The following CASR variants were observed in gnomAD, a reference collection of about 807,000 sequenced individuals.
CASR encodes the protein extracellular calcium-sensing receptor.
A neutral mutation model predicts 69.1 loss-of-function variants in CASR; 23 were observed. That is an observed-to-expected ratio of 0.33 (90% CI 0.24 to 0.47). The LOEUF (loss-of-function observed/expected upper bound fraction) is 0.47, where lower values mean the gene tolerates loss of function less well. Among genes scored for constraint, CASR ranks in the 20% least tolerant of loss-of-function variants. The pLI is 1.00. For synonymous variants in CASR, 541 were observed against 544.7 expected, an observed-to-expected ratio of 0.99 and a Z score of 0.10; for missense variants, 924 against 1,356.1, an observed-to-expected ratio of 0.68 and a Z score of 5.00.
chr3:122,226,088 G>C lies in CASR; in HGVS notation c.-242-27860G>C, dbSNP rs916814606. Among the ~76,000 whole-genome samples the C allele has an allele frequency of 4.6e-5, 7 of 152,174 alleles. No homozygotes were observed. In the East Asian group the frequency reaches 1.2e-3, roughly 25 times the overall value. ...GGGCCTACATTAACGGGGAAGATGG[G>C]GGGGTAGTGTGTCTGGAATTGGTGG... On this transcript the variant is annotated intron_variant, in intron 1 of 6. Coordinates refer to ENST00000639785, the MANE Select transcript of CASR (RefSeq NM_000388.4).
chr3:122,229,239 A>C, intron 1 of CASR, among the ~76,000 whole-genome samples: 1 of 152,218 alleles, frequency 6.6e-6, no homozygotes, highest in South Asian at 2.1e-4. Context: ...TACACTTCCC[A>C]CCCACCTCCA....
In CASR at chr3:122,195,632, C is replaced by T. The variant is rs139323845; in HGVS notation, c.-243+11820C>T. On this transcript the variant is annotated intron_variant, in intron 1 of 6. Transcript: ENST00000639785. ...ATGCTAAAGATTTTATACATTGCTT[C>T]GTTTAATCCTATCAAAAATTTTAGG... 6.1e-3 allele frequency among the ~76,000 whole-genome samples: 933 copies of T among 152,290 alleles called. 6 individuals are homozygous for T. Among genetic ancestry groups the T allele is most frequent in the Middle Eastern group, 0.02 (6 of 294 alleles).
intron 1 of CASR, among the ~76,000 whole-genome samples, chr3:122,240,562 G>A (rs1559949598): frequency 6.6e-6 from 1 of 152,086 alleles, no homozygotes; most frequent in Non-Finnish European, 1.5e-5. Flanking sequence ...GCTAAAGAAA[G>A]AGACCACAGT....
Position 122,254,981 on chromosome 3 carries a change from A to G in CASR, c.185+607A>G, listed in dbSNP as rs777446000. Among the ~76,000 whole-genome samples the G allele has an allele frequency of 2.0e-3, 213 of 106,658 alleles. 1 individual carries two copies. Among genetic ancestry groups the G allele is most frequent in the South Asian group, 3.7e-3 (10 of 2,682 alleles). 70.0% of individuals were successfully genotyped at this position (106,658 alleles called of 152,430 possible). A position where few individuals can be genotyped will look rare whatever the true frequency, so the allele number is the denominator to read the frequency against. ...CTCCCCACCCCCCATCCACCCTGCC[A>G]AGAATGCATCTCACTCTCTCAATAG... On this transcript the variant is annotated intron_variant, in intron 2 of 6. Transcript: ENST00000639785.
chr3:122,239,488 C>T (rs953332067), intron 1 of CASR, among the ~76,000 whole-genome samples: 1 of 152,268 alleles, frequency 6.6e-6, no homozygotes, highest in African/African-American at 2.4e-5. Flanking sequence ...CCTGGGGGAA[C>T]TCACTGCCCT....
intron 1 of CASR, among the ~76,000 whole-genome samples, chr3:122,251,747 AT>A (rs1393962280): frequency 1.3e-5 from 2 of 152,148 alleles, no homozygotes; most frequent in Non-Finnish European, 2.9e-5. Flanking sequence ...TAAAGCCAGT[AT>A]TTTCTATGAG....
chr3:122,248,317 A>G (rs562109030), intron 1 of CASR, among the ~76,000 whole-genome samples: 97 of 152,350 alleles, frequency 6.4e-4, no homozygotes, highest in African/African-American at 2.3e-3. Flanking sequence ...CTCTTCAGCA[A>G]GAGGTAAAGG....
intron 3 of CASR, among the ~76,000 whole-genome samples, chr3:122,260,583 G>A (rs1028104909): frequency 6.6e-6 from 1 of 152,142 alleles, no homozygotes; most frequent in Non-Finnish European, 1.5e-5. Context: ...TCAAAAGTGG[G>A]TCTGCTAACA....
intron 1 of CASR, among the ~76,000 whole-genome samples, chr3:122,207,927 T>C (rs532410614): frequency 2.0e-5 from 3 of 152,304 alleles, no homozygotes; most frequent in Non-Finnish European, 4.4e-5. Context: ...ATTGGTCCGT[T>C]ACTGAGAGTG....
intron 2 of CASR, among the ~76,000 whole-genome samples, 197 bp from the exon 3 acceptor site, chr3:122,256,884 G>C (rs1161132107): frequency 3.3e-5 from 5 of 152,174 alleles, no homozygotes; most frequent in Non-Finnish European, 1.5e-5. Context: ...GCCTCCCGAA[G>C]TGCTGAGATT....
chr3:122,230,614 C>A (rs571848915), intron 1 of CASR, among the ~76,000 whole-genome samples: 145 of 152,358 alleles, frequency 9.5e-4, no homozygotes, highest in African/African-American at 3.3e-3. Context: ...GACCCTCTCA[C>A]CTGAGCAGGA....
intron 1 of CASR, among the ~76,000 whole-genome samples, chr3:122,243,565 G>A (rs2074398986): frequency 6.6e-6 from 1 of 151,982 alleles, no homozygotes; most frequent in Non-Finnish European, 1.5e-5. Context: ...ACTCTCATAC[G>A]CTGTTGGTGG....
At chr3:122,186,103 GAAATT>G (rs750658588) in intron 1 of CASR, among the ~76,000 whole-genome samples, 5 of 151,936 alleles carry the variant, frequency 3.3e-5, no homozygotes, top group African/African-American at 9.7e-5. Flanking sequence ...CAGAGTGGTT[GAAATT>G]AAATTAGTTA....
Position 122,193,737 on chromosome 3 carries a change from G to A in CASR, c.-243+9925G>A, listed in dbSNP as rs148390639. ...TGTAAGATTGTTATTAATTCATAAA[G>A]AGAATCTTGGAGATTCTGCAAGAAA... On this transcript the variant is annotated intron_variant, in intron 1 of 6. Transcript: ENST00000639785. Among the ~76,000 whole-genome samples, 1,495 of 152,272 alleles carry A rather than the reference G, an allele frequency of 9.8e-3. 21 individuals are homozygous for A. Among genetic ancestry groups the A allele is most frequent in the African/African-American group, 0.034 (1,426 of 41,566 alleles).
At chr3:122,210,907 A>T (rs2074059174) in intron 1 of CASR, among the ~76,000 whole-genome samples, 1 of 152,226 alleles carries the variant, frequency 6.6e-6, no homozygotes, top group Non-Finnish European at 1.5e-5. Flanking sequence ...CCAATGGAAC[A>T]GAATAGTGTA....
chr3:122,194,190 A>G (rs1027791087), intron 1 of CASR, among the ~76,000 whole-genome samples: 1 of 152,012 alleles, frequency 6.6e-6, no homozygotes, highest in Non-Finnish European at 1.5e-5. Context: ...TCAGGTACCA[A>G]TCTAGGCCTT....
chr3:122,220,733 C>T (rs975698791), intron 1 of CASR, among the ~76,000 whole-genome samples: 2 of 152,058 alleles, frequency 1.3e-5, no homozygotes, highest in Non-Finnish European at 2.9e-5. Flanking sequence ...CAGCACTTTG[C>T]GAGGCCGAGG....
At chr3:122,185,532 T>A (rs1439272781) in intron 1 of CASR, among the ~76,000 whole-genome samples, 1 of 152,248 alleles carries the variant, frequency 6.6e-6, no homozygotes, top group East Asian at 1.9e-4. Flanking sequence ...ATCTTTCCCC[T>A]TAAACTGGAT....
At chr3:122,200,644 G>T (rs1358234826) in intron 1 of CASR, among the ~76,000 whole-genome samples, 2 of 152,180 alleles carry the variant, frequency 1.3e-5, no homozygotes, top group African/African-American at 4.8e-5. Context: ...TCTTCTGTCA[G>T]TGGAGCAGTT....
Sources: allele counts gnomAD v4.1 joint callset (sites outside exome capture counted in the v4.1 genomes callset), GRCh38; gene constraint gnomAD v4.1.1; transcripts MANE v1.5; gene names NCBI Gene and HGNC (gene_info 2026-07-23, HGNC 2026-07-21).